The following SPTB variants were observed in gnomAD, a reference collection of about 807,000 sequenced individuals.
The protein encoded by SPTB is spectrin beta chain, erythrocytic.
SPTB carries 45 observed loss-of-function variants against 256.2 expected under a neutral mutation model. The ratio of observed to expected loss-of-function variants is 0.18; its 90% CI spans 0.14 to 0.23. SPTB has a LOEUF of 0.23. SPTB is among the 10% of genes least tolerant of loss of function. The pLI is 1.00. For missense variants in SPTB, 2,715 were observed against 3,040.4 expected (o/e 0.89, Z 2.52); for synonymous variants, 1,231 against 1,243.1 (o/e 0.99, Z 0.21).
Position 64,879,857 on chromosome 14 carries a change from A to G in SPTB, c.-117T>C. ...GTGGCGGCGGCGGCGGCGCAGGGGG[A>G]GGAGGGCAGCGCGGGGCTCCTGGCA... On this transcript the variant is annotated 5_prime_UTR_variant, in exon 1 of 36. Transcript: ENST00000644917. The G allele has an allele frequency of 1.3e-5, 2 of 152,484 alleles. No homozygotes were observed. Among genetic ancestry groups the G allele is most frequent in the South Asian group, 1.8e-4 (1 of 5,456 alleles). The allele number at this position is 152,484 out of a possible 1,614,324, so 9.4% of individuals were successfully genotyped here.
rs550127287 is a variant in SPTB at position 64,830,714 on chromosome 14, C to T, written c.-51-7569G>A. Among the ~76,000 whole-genome samples, 8 of 152,246 alleles carry T rather than the reference C, an allele frequency of 5.3e-5. No homozygotes were observed. The South Asian group carries it at 6.2e-4, about 12-fold the overall frequency. ...CAGCCCCTTCACAGTCCCTCCTGCACGGCCCCTCATGCTGACACACCCCTA... is the reference window on the plus strand; with the variant it reads ...CAGCCCCTTCACAGTCCCTCCTGCATGGCCCCTCATGCTGACACACCCCTA... On this transcript the variant is annotated intron_variant, in intron 1 of 35. Coordinates refer to ENST00000644917, the MANE Select transcript of SPTB (RefSeq NM_001355436.2).
rs759218961 is a variant in SPTB at position 64,793,145 on chromosome 14, G to A, written c.2518C>T (p.Arg840Cys). 12 of 1,613,918 alleles carry A rather than the reference G, an allele frequency of 7.4e-6. No homozygotes were observed. Among genetic ancestry groups the A allele is most frequent in the African/African-American group, 2.7e-5 (2 of 74,930 alleles). The change falls in exon 14 of 36, where the codon CGT becomes TGT. Residue 840 changes from arginine to cysteine, a missense_variant. By Grantham distance (180) the Arg-to-Cys change is radical. Coordinates refer to ENST00000644917, the MANE Select transcript of SPTB (RefSeq NM_001355436.2). This position sits in a 1 kb window ranked among gnomAD's most constrained non-coding sequence, Gnocchi z 7.0. ...AGGGCTTCCTGCAGCCTCTGCTGAC[G>A]CAGGTCCGCCTGGGCCACCACCTGT... ...YQQVVAQADL[R>C]QQRLQEALDL...
rs1401936222 is a variant in SPTB, at chr14:64,772,516, T to G, written c.5553+64A>C. 2 of 1,589,030 alleles carry G rather than the reference T, an allele frequency of 1.3e-6. No homozygotes were observed. The highest frequency in any genetic ancestry group is 1.7e-6 in the Non-Finnish European group (2 of 1,175,706). On this transcript the variant is annotated intron_variant, in intron 26 of 35. Transcript: ENST00000644917. This position sits in a 1 kb window ranked among gnomAD's most constrained non-coding sequence, Gnocchi z 5.4. Reference sequence around the variant, plus strand: ...AGAGGTTTTCCTGCTGACAGCCAGGTGGGGACTGACACCCAGGGCTCCTGG... The same window carrying G: ...AGAGGTTTTCCTGCTGACAGCCAGGGGGGGACTGACACCCAGGGCTCCTGG...
Position 64,748,732 on chromosome 14 carries a change from C to G in SPTB, c.*574G>C, listed in dbSNP as rs934210237. On this transcript the variant is annotated 3_prime_UTR_variant, in exon 36 of 36. Coordinates refer to ENST00000644917, the MANE Select transcript of SPTB (RefSeq NM_001355436.2). Reference sequence around the variant, plus strand: ...CCTGCACCCAGTCTGGTCCCCTCAGCCCCCCAGAGCCCCTGGCCCAGAGCT... The same window carrying G: ...CCTGCACCCAGTCTGGTCCCCTCAGGCCCCCAGAGCCCCTGGCCCAGAGCT... 2.6e-5 allele frequency: 4 copies of G among 154,188 alleles called. No individual in the cohort carries two copies. Among genetic ancestry groups the G allele is most frequent in the Non-Finnish European group, 4.3e-5 (3 of 69,672 alleles). The allele number at this position is 154,188 out of a possible 1,614,324, so 9.6% of individuals were successfully genotyped here.
intron 1 of SPTB, among the ~76,000 whole-genome samples, chr14:64,856,935 C>T (rs1022508872): frequency 6.6e-6 from 1 of 152,178 alleles, no homozygotes. Context: ...GAACAAAGTT[C>T]TTGATTTTCC....
chr14:64,801,222 C>G, intron 7 of SPTB, 63 bp downstream of exon 7: 6 of 1,435,604 alleles, frequency 4.2e-6, no homozygotes, highest in Non-Finnish European at 5.8e-6. Flanking sequence ...CTGAGCTCCT[C>G]TAGCACAGCG....
chr14:64,797,466 CCAAAAAAAAAAAAAAAA>C (rs2082793299), intron 10 of SPTB, among the ~76,000 whole-genome samples: 1 of 25,116 alleles, frequency 4.0e-5, no homozygotes, highest in Admixed American at 5.1e-4. Context: ...GACCCTGTCT[CCAAAAAAAAAAAAAAAA>C]AAAAAAAAAA....
rs1174184982 is a variant in SPTB at position 64,793,125 on chromosome 14, T to C, written c.2538A>G (p.Glu846=). ...QADLRQQRLQ[E]ALDLYTVFGE... ...CGAACACCGTGTACAGGTCCAGGGC[T>C]TCCTGCAGCCTCTGCTGACGCAGGT... is the stretch of plus-strand genomic sequence containing the variant. The change falls in exon 14 of 36, where the codon GAA becomes GAG. Residue 846 remains glutamate, a synonymous_variant. Coordinates refer to ENST00000644917, the MANE Select transcript of SPTB (RefSeq NM_001355436.2). This position sits in a 1 kb window ranked among gnomAD's most constrained non-coding sequence, Gnocchi z 7.0. 6.2e-7 allele frequency: 1 copy of C among 1,614,118 alleles called. No homozygotes were observed. Among genetic ancestry groups the C allele is most frequent in the East Asian group, 2.2e-5 (1 of 44,884 alleles).
Position 64,853,900 on chromosome 14 carries a change from A to G in SPTB, c.-52+25892T>C, listed in dbSNP as rs2083825387. ...ACATTTATTAAAAATTTTTTTAGAT[A>G]CTTATCACTGGCCAGCCGCGGTGGC... On this transcript the variant is annotated intron_variant, in intron 1 of 35. Coordinates refer to ENST00000644917, the MANE Select transcript of SPTB (RefSeq NM_001355436.2). This position sits in a 1 kb window ranked among gnomAD's most constrained non-coding sequence, Gnocchi z 4.3. Among the ~76,000 whole-genome samples, 1 of 152,120 alleles carries G rather than the reference A, an allele frequency of 6.6e-6. No homozygotes were observed. The highest frequency in any genetic ancestry group is 1.5e-5 in the Non-Finnish European group (1 of 68,024).
rs2083349396 is a variant in SPTB, at chr14:64,824,667, TGTGTG to T, written c.-51-1527_-51-1523del. Among the ~76,000 whole-genome samples the T allele has an allele frequency of 6.6e-6, 1 of 152,012 alleles. No individual in the cohort carries two copies. Among genetic ancestry groups the T allele is most frequent in the Admixed American group, 6.6e-5 (1 of 15,256 alleles). The stretch of plus-strand genomic sequence containing the variant: ...TGAGGGAGACCACTCCCTCTGTGGG[TGTGTG>T]CACCCACGGCACACACACAGGCTCA... On this transcript the variant is annotated intron_variant, in intron 1 of 35. Coordinates refer to ENST00000644917, the MANE Select transcript of SPTB (RefSeq NM_001355436.2). The surrounding 1 kb of genome is among the most constrained non-coding windows in gnomAD (Gnocchi z 5.7).
At chr14:64,794,992 T>A (rs74694303) in intron 12 of SPTB, among the ~76,000 whole-genome samples, 8,243 of 152,262 alleles carry the variant, frequency 0.054, 283 homozygotes, top group East Asian at 0.17. Context: ...AGGTCTGGAT[T>A]CTAACCAGAG....
chr14:64,835,322 C>T (rs2083507952), intron 1 of SPTB, among the ~76,000 whole-genome samples: 2 of 152,198 alleles, frequency 1.3e-5, no homozygotes, highest in Admixed American at 1.3e-4. Flanking sequence ...AATCTCTGCT[C>T]ACTGAAACCT....
intron 1 of SPTB, among the ~76,000 whole-genome samples, chr14:64,850,472 T>C (rs916966141): frequency 2.0e-5 from 3 of 152,154 alleles, no homozygotes; most frequent in Admixed American, 6.5e-5. Flanking sequence ...CAGACAGACA[T>C]ATTGGCCAAC....
At chr14:64,860,675 T>A (rs868425867) in intron 1 of SPTB, among the ~76,000 whole-genome samples, 2 of 152,054 alleles carry the variant, frequency 1.3e-5, no homozygotes, top group Middle Eastern at 3.2e-3. Context: ...AACAAACACA[T>A]CCTCAGTGCC....
Position 64,807,192 on chromosome 14 carries a change from G to C in SPTB, c.149-2102C>G, listed in dbSNP as rs540120904. Among the ~76,000 whole-genome samples the C allele has an allele frequency of 6.6e-6, 1 of 152,218 alleles. No individual in the cohort carries two copies. On this transcript the variant is annotated intron_variant, in intron 2 of 35. Transcript: ENST00000644917. This position sits in a 1 kb window ranked among gnomAD's most constrained non-coding sequence, Gnocchi z 4.7. ...GGTGTGGAGCCTCTGACTAAGGGGGGTGAAAGTTTTAGCCCCTTTAGAGGT... is the reference window on the plus strand; with the variant it reads ...GGTGTGGAGCCTCTGACTAAGGGGGCTGAAAGTTTTAGCCCCTTTAGAGGT...
rs371039191 is a variant in SPTB at position 64,772,769 on chromosome 14, C to T, written c.5364G>A (p.Thr1788=). 4.5e-5 allele frequency: 72 copies of T among 1,613,976 alleles called. No homozygotes were observed. Among genetic ancestry groups the T allele is most frequent in the South Asian group, 2.4e-4 (22 of 91,082 alleles). ...MWADLLELID[T]RMQLLAASYD... ...AGGAGGCGGCCAGCAGCTGCATGCG[C>T]GTGTCAATGAGCTCCAGGAGGTCTG... Residue 1788 remains threonine (T), a synonymous_variant, in exon 26 of 36, where the codon ACG becomes ACA. Coordinates refer to ENST00000644917, the MANE Select transcript of SPTB (RefSeq NM_001355436.2). This position sits in a 1 kb window ranked among gnomAD's most constrained non-coding sequence, Gnocchi z 5.4.
Position 64,802,362 on chromosome 14 carries a change from G to A in SPTB, c.475-45C>T, listed in dbSNP as rs755915737. The stretch of plus-strand genomic sequence containing the variant: ...AGAGATTTGAAGAGGATGTGCATCT[G>A]GATCTGTGCTTTCCTGCCGTCCCTG... On this transcript the variant is annotated intron_variant, in intron 4 of 35. Coordinates refer to ENST00000644917, the MANE Select transcript of SPTB (RefSeq NM_001355436.2). The surrounding 1 kb of genome is among the most constrained non-coding windows in gnomAD (Gnocchi z 5.1). 3.8e-6 allele frequency: 6 copies of A among 1,588,764 alleles called. No homozygotes were observed. Among genetic ancestry groups the A allele is most frequent in the South Asian group, 1.1e-5 (1 of 89,700 alleles).
rs773865584 is a variant in SPTB, at chr14:64,794,472, C to T, written c.1790G>A (p.Gly597Glu). 5 of 1,614,166 alleles carry T rather than the reference C, an allele frequency of 3.1e-6. No individual in the cohort carries two copies. The highest frequency in any genetic ancestry group is 4.2e-6 in the Non-Finnish European group (5 of 1,180,034). Residue 597 changes from glycine (G) to glutamate (E), a missense_variant, in exon 13 of 36, where the codon GGG becomes GAG. Gly to Glu is a moderately conservative substitution (Grantham distance 98). Transcript: ENST00000644917. Reference sequence around the variant, plus strand: ...GGAGACAGACTTGGTCTCACCTTTCCCCTCGGTGAACTTCAGGGTGGCTGC... The same window carrying T: ...GGAGACAGACTTGGTCTCACCTTTCTCCTCGGTGAACTTCAGGGTGGCTGC... The part of the protein sequence containing the change: ...ITAATLKFTE[G>E]KGYQPCDPQV...
intron 2 of SPTB, among the ~76,000 whole-genome samples, chr14:64,817,135 T>A (rs2083206824): frequency 6.6e-6 from 1 of 152,118 alleles, no homozygotes; most frequent in African/African-American, 2.4e-5. Flanking sequence ...TCAAGAGTGG[T>A]AAGGGGACAA....
Sources: allele counts gnomAD v4.1 joint callset (sites outside exome capture counted in the v4.1 genomes callset), GRCh38; gene constraint gnomAD v4.1.1; non-coding constraint Gnocchi (gnomAD v3.1); transcripts MANE v1.5; gene names NCBI Gene and HGNC (gene_info 2026-07-23, HGNC 2026-07-21).